Variants in CAMKMT observed in about 807,000 individuals in gnomAD.
CAMKMT encodes the protein CaM KMT.
A neutral mutation model predicts 48.0 loss-of-function variants in CAMKMT; 53 were observed. That is an observed-to-expected ratio of 1.10 (90% CI 0.89 to 1.39). CAMKMT has a LOEUF of 1.39. Ranked by LOEUF, CAMKMT falls within the 40% of genes most tolerant of loss-of-function variation. The pLI is 0.00. For missense variants in CAMKMT, 428 were observed against 402.7 expected (o/e 1.06, Z -0.54); for synonymous variants, 165 against 152.3 (o/e 1.08, Z -0.61).
intron 10 of CAMKMT, among the ~76,000 whole-genome samples, chr2:44,767,173 A>G (rs950608719): frequency 9.8e-5 from 15 of 152,358 alleles, no homozygotes; most frequent in African/African-American, 3.1e-4. Flanking sequence ...GTATAGACCA[A>G]TATAGGACAC....
chr2:44,469,267 A>G (rs1668289504), intron 3 of CAMKMT, among the ~76,000 whole-genome samples: 2 of 81,116 alleles, frequency 2.5e-5, no homozygotes, highest in Admixed American at 3.2e-4. Context: ...TGTTAGTTAA[A>G]TATAATAATA....
intron 3 of CAMKMT, among the ~76,000 whole-genome samples, chr2:44,407,449 G>C (rs1418422434): frequency 6.6e-6 from 1 of 152,122 alleles, no homozygotes; most frequent in Non-Finnish European, 1.5e-5. Context: ...TATTAGTGCA[G>C]GATCCTTGGC....
Position 44,707,466 on chromosome 2 carries a change from T to A in CAMKMT, c.556+4T>A, listed in dbSNP as rs766825766. The stretch of plus-strand genomic sequence containing the variant: ...GGGAATGAAAAGGCCATCAGAAGTA[T>A]CCTTATTCAGATAGAAAACGGGTTT... On this transcript the variant is annotated splice_donor_region_variant and intron_variant, in intron 6 of 10. Coordinates refer to ENST00000378494, the MANE Select transcript of CAMKMT (RefSeq NM_024766.5). The A allele has an allele frequency of 6.2e-7, 1 of 1,611,164 alleles. No individual in the cohort carries two copies. The highest frequency in any genetic ancestry group is 1.1e-5 in the South Asian group (1 of 90,396).
At chr2:44,661,637 GATTTTGCTAGTTTC>G (rs1381115972) in intron 3 of CAMKMT, among the ~76,000 whole-genome samples, 25 of 152,148 alleles carry the variant, frequency 1.6e-4, no homozygotes, top group African/African-American at 6.0e-4. Flanking sequence ...GTTACAGTGT[GATTTTGCTAGTTTC>G]ATTAATTACT....
intron 3 of CAMKMT, among the ~76,000 whole-genome samples, chr2:44,630,699 A>T (rs2103966433): frequency 6.6e-6 from 1 of 151,472 alleles, no homozygotes; most frequent in South Asian, 2.1e-4. Context: ...ACAATGAGAT[A>T]TCATCTCACA....
chr2:44,370,080 T>G (rs1426312022), intron 1 of CAMKMT: 1 of 152,164 alleles, frequency 6.6e-6, no homozygotes. Flanking sequence ...GTTAAGAGTT[T>G]AGGGTCTGTA....
intron 3 of CAMKMT, among the ~76,000 whole-genome samples, chr2:44,548,893 AGC>A: frequency 6.6e-6 from 1 of 152,272 alleles, no homozygotes; most frequent in South Asian, 2.1e-4. Context: ...CTGTTATTTC[AGC>A]CTTGTGATTC....
intron 3 of CAMKMT, among the ~76,000 whole-genome samples, chr2:44,397,274 A>G (rs1681941702): frequency 6.6e-6 from 1 of 152,154 alleles, no homozygotes; most frequent in Non-Finnish European, 1.5e-5. Context: ...CTTTGGGAAT[A>G]GAAAATTTAT....
In CAMKMT at chr2:44,706,352, T is replaced by A; in HGVS notation, c.492+11T>A. On this transcript the variant is annotated intron_variant, in intron 5 of 10. Coordinates refer to ENST00000378494, the MANE Select transcript of CAMKMT (RefSeq NM_024766.5). ...TTGGCTGGGCTCATGGTAGGTCTTT[T>A]CTCCATTCCAATCCCATTCAGAGGG... The A allele has an allele frequency of 6.2e-7, 1 of 1,612,980 alleles. No homozygotes were observed. Among genetic ancestry groups the A allele is most frequent in the Admixed American group, 1.7e-5 (1 of 59,950 alleles).
At chr2:44,638,074 A>G (rs1271994922) in intron 3 of CAMKMT, among the ~76,000 whole-genome samples, 1 of 150,884 alleles carries the variant, frequency 6.6e-6, no homozygotes, top group African/African-American at 2.4e-5. Context: ...AAAAAAAAAG[A>G]GAAAAAGAAA....
intron 3 of CAMKMT, among the ~76,000 whole-genome samples, chr2:44,408,025 CTTTTTTTTTT>C (rs58443811): frequency 9.5e-6 from 1 of 105,274 alleles, no homozygotes; most frequent in African/African-American, 3.7e-5. Context: ...TAGAGCATGT[CTTTTTTTTTT>C]TTTTTTTTTG....
chr2:44,644,388 T>C (rs1673620918), intron 3 of CAMKMT, among the ~76,000 whole-genome samples: 2 of 152,234 alleles, frequency 1.3e-5, no homozygotes, highest in African/African-American at 4.8e-5. Context: ...GTTACTCAGA[T>C]GGAATGGTAA....
intron 3 of CAMKMT, among the ~76,000 whole-genome samples, chr2:44,521,754 C>A (rs1167685510): frequency 6.6e-6 from 1 of 152,170 alleles, no homozygotes; most frequent in Non-Finnish European, 1.5e-5. Flanking sequence ...ACTGGGCTGA[C>A]TGAGATGGGA....
At chr2:44,436,211 G>A (rs1666240576) in intron 3 of CAMKMT, among the ~76,000 whole-genome samples, 1 of 152,138 alleles carries the variant, frequency 6.6e-6, no homozygotes, top group African/African-American at 2.4e-5. Flanking sequence ...GAGTAACTGG[G>A]ACTACGGATG....
intron 3 of CAMKMT, among the ~76,000 whole-genome samples, chr2:44,512,594 T>G (rs1287694065): frequency 6.6e-6 from 1 of 152,220 alleles, no homozygotes; most frequent in South Asian, 2.1e-4. Context: ...TTTTTTGTGC[T>G]TTCTCAATTC....
At chr2:44,414,785 C>T (rs951383846) in intron 3 of CAMKMT, among the ~76,000 whole-genome samples, 1 of 152,178 alleles carries the variant, frequency 6.6e-6, no homozygotes, top group Admixed American at 6.5e-5. Flanking sequence ...CTCTAGCTGG[C>T]TATCTGTAAG....
chr2:44,410,598 C>T (rs981499334), intron 3 of CAMKMT, among the ~76,000 whole-genome samples: 5 of 151,868 alleles, frequency 3.3e-5, no homozygotes, highest in Non-Finnish European at 5.9e-5. Context: ...GAAAGCCCAA[C>T]ATAGACTCTG....
intron 3 of CAMKMT, among the ~76,000 whole-genome samples, chr2:44,535,375 G>A (rs998449616): frequency 6.6e-6 from 1 of 152,050 alleles, no homozygotes; most frequent in African/African-American, 2.4e-5. Context: ...AATACTCCCC[G>A]ACTTGTTCTA....
chr2:44,375,535 C>G (rs1465494238), intron 2 of CAMKMT, among the ~76,000 whole-genome samples: 1 of 152,048 alleles, frequency 6.6e-6, no homozygotes, highest in Non-Finnish European at 1.5e-5. Flanking sequence ...GAGTGGAATA[C>G]TCACACTTAA....
Sources: gnomAD v4.1 joint callset for allele counts (sites outside exome capture counted in the v4.1 genomes callset) on GRCh38, gnomAD v4.1.1 for gene constraint, MANE v1.5 for transcripts, NCBI Gene and HGNC (gene_info 2026-07-23, HGNC 2026-07-21) for gene names.